Variants in CCDC57 observed in about 807,000 individuals in gnomAD.
CCDC57 encodes coiled-coil domain containing 57.
In CCDC57, 118 loss-of-function variants were observed where a neutral mutation model predicts 118.9. The observed-to-expected ratio is 0.99, with a 90% CI of 0.86 to 1.16. The LOEUF is 1.16. Ranked by LOEUF, CCDC57 falls within the 50% of genes most tolerant of loss-of-function variation. The pLI is 0.00. For missense variants in CCDC57, 1,300 were observed against 1,320.7 expected, an observed-to-expected ratio of 0.98 and a Z score of 0.24; for synonymous variants, 527 against 532.9, an observed-to-expected ratio of 0.99 and a Z score of 0.15.
chr17:82,202,878 A>G (rs375584684), intron 2 of CCDC57, among the ~76,000 whole-genome samples: 1 of 152,340 alleles, frequency 6.6e-6, no homozygotes, highest in African/African-American at 2.4e-5. Context: ...CACTCTGTCC[A>G]TTTCACAGCT....
Position 82,172,599 on chromosome 17 carries a change from C to T in CCDC57, c.1729+39G>A. On this transcript the variant is annotated intron_variant, in intron 12 of 19. Transcript: ENST00000665763. The surrounding 1 kb of genome is among the most constrained non-coding windows in gnomAD (Gnocchi z 5.2). Reference sequence around the variant, plus strand: ...TCTGTCCTCCTCCCTCCCTCTCCCCCTTCCTCTCCCGCTCTGTCCGTTTCT... The same window carrying T: ...TCTGTCCTCCTCCCTCCCTCTCCCCTTTCCTCTCCCGCTCTGTCCGTTTCT... The T allele has an allele frequency of 6.6e-7, 1 of 1,525,836 alleles. No homozygotes were observed. Among genetic ancestry groups the T allele is most frequent in the Non-Finnish European group, 8.9e-7 (1 of 1,125,450 alleles). 94.5% of individuals were successfully genotyped at this position (1,525,836 alleles called of 1,614,324 possible).
intron 19 of CCDC57, among the ~76,000 whole-genome samples, chr17:82,111,274 A>AT (rs2035222009): frequency 8.0e-5 from 11 of 137,558 alleles, no homozygotes; most frequent in Non-Finnish European, 1.1e-4. Flanking sequence ...TTTTTTTTGT[A>AT]TTTTTTTTAG....
Position 82,172,875 on chromosome 17 carries a change from GA to G in CCDC57, c.1507-16del. On this transcript the variant is annotated splice_polypyrimidine_tract_variant and intron_variant, in intron 11 of 19. Coordinates refer to ENST00000665763, the Ensembl canonical transcript of CCDC57. This position sits in a 1 kb window ranked among gnomAD's most constrained non-coding sequence, Gnocchi z 5.2. The stretch of plus-strand genomic sequence containing the variant: ...CTGAGAAGCATCTGTCAAATACAAG[GA>G]AAAATGGCTACAAAAAGATGAATGG... 5.0e-6 allele frequency: 8 copies of G among 1,599,268 alleles called. No homozygotes were observed. The highest frequency in any genetic ancestry group is 6.8e-6 in the Non-Finnish European group (8 of 1,171,494).
chr17:82,144,631 T>C (rs999746268), intron 16 of CCDC57, among the ~76,000 whole-genome samples: 1 of 152,212 alleles, frequency 6.6e-6, no homozygotes, highest in Non-Finnish European at 1.5e-5. Flanking sequence ...AGAGCTTCAA[T>C]CAACTGTTTC....
intron 19 of CCDC57, chr17:82,109,013 C>T (rs1317869365): frequency 1.3e-5 from 2 of 152,234 alleles, no homozygotes; most frequent in Non-Finnish European, 2.9e-5. Flanking sequence ...CAAAATCCTT[C>T]TACATCTTCA....
At chr17:82,160,764 C>T (rs775235775) in intron 14 of CCDC57, among the ~76,000 whole-genome samples, 5 of 150,836 alleles carry the variant, frequency 3.3e-5, no homozygotes, top group Non-Finnish European at 7.4e-5. Context: ...ATCCCAGCTA[C>T]TTGGGAGGCT....
Position 82,166,944 on chromosome 17 carries a change from A to AC in CCDC57, c.1883-3588_1883-3587insG, listed in dbSNP as rs1352342750. ...AACAACAACCACAACAACAACAACA[A>AC]AAAAAAAGGAAAAAGAAACCCAAAA... is the stretch of plus-strand genomic sequence containing the variant. On this transcript the variant is annotated intron_variant, in intron 13 of 19. Transcript: ENST00000665763. Among the ~76,000 whole-genome samples, 1,399 of 151,902 alleles carry AC rather than the reference A, an allele frequency of 9.2e-3. 18 individuals are homozygous for AC. Among genetic ancestry groups the AC allele is most frequent in the African/African-American group, 0.032 (1,335 of 41,460 alleles).
At chr17:82,173,792 C>T (rs1327394444) in intron 11 of CCDC57, among the ~76,000 whole-genome samples, 1 of 150,830 alleles carries the variant, frequency 6.6e-6, no homozygotes, top group African/African-American at 2.4e-5. Flanking sequence ...CAAGGAGCCA[C>T]CAAGGCGGGA....
chr17:82,169,625 C>T (rs140233992), intron 13 of CCDC57, among the ~76,000 whole-genome samples: 8 of 152,222 alleles, frequency 5.3e-5, no homozygotes, highest in Non-Finnish European at 8.8e-5. Flanking sequence ...GGGGAGGCAT[C>T]CAGGCAGGAG....
At chr17:82,210,675 C>G (rs2050112935) in intron 1 of CCDC57, among the ~76,000 whole-genome samples, 1 of 136,106 alleles carries the variant, frequency 7.3e-6, no homozygotes, top group Non-Finnish European at 1.6e-5. Context: ...GAGAGAGACT[C>G]AGTCTCAAAA....
At chr17:82,188,525 G>T in intron 7 of CCDC57, 106 bp from the exon 7 acceptor site, 1 of 1,173,036 alleles carries the variant, frequency 8.5e-7, no homozygotes, top group Non-Finnish European at 1.2e-6. Context: ...AGGTGCTGCT[G>T]TATGTCTGCC....
intron 16 of CCDC57, among the ~76,000 whole-genome samples, chr17:82,144,848 T>C (rs571467235): frequency 5.9e-5 from 9 of 152,232 alleles, no homozygotes; most frequent in Admixed American, 1.3e-4. Context: ...CACTAGATCA[T>C]TTCCCGATGC....
At chr17:82,162,286 G>T (rs2043440967) in intron 14 of CCDC57, among the ~76,000 whole-genome samples, 1 of 152,188 alleles carries the variant, frequency 6.6e-6, no homozygotes, top group Admixed American at 6.5e-5. Context: ...GATTACAGGT[G>T]TGAGCCCCCA....
rs558679569 is a variant in CCDC57 at position 82,137,798 on chromosome 17, C to T, written c.2456-3604G>A. 9.0e-3 allele frequency among the ~76,000 whole-genome samples: 1,363 copies of T among 151,354 alleles called. 17 individuals are homozygous for T. Among genetic ancestry groups the T allele is most frequent in the African/African-American group, 0.032 (1,309 of 41,192 alleles). On this transcript the variant is annotated intron_variant, in intron 16 of 19. Transcript: ENST00000665763. ...AAGCGGTTCTCCTTCCTCAGCCTCC[C>T]GGGTAGCTGGGATTACAGGCACCCG...
intron 2 of CCDC57, among the ~76,000 whole-genome samples, chr17:82,202,205 G>A (rs1353636416): frequency 6.6e-6 from 1 of 152,028 alleles, no homozygotes; most frequent in African/African-American, 2.4e-5. Context: ...AGTGGCTCAC[G>A]CCTGTAATCC....
In CCDC57 at chr17:82,207,095, G is replaced by A. The variant is rs2049753265; in HGVS notation, c.-9+752C>T. On this transcript the variant is annotated intron_variant, in intron 2 of 19. Coordinates refer to ENST00000665763, the Ensembl canonical transcript of CCDC57. ...GCAGTGACTGGCCCCGGTTGTCCCA[G>A]CACTTTGGGAGGCTGAGGCTGGATC... 4.6e-5 allele frequency among the ~76,000 whole-genome samples: 7 copies of A among 152,180 alleles called. 1 individual carries two copies. Among genetic ancestry groups the A allele is most frequent in the Admixed American group, 4.6e-4 (7 of 15,272 alleles).
chr17:82,138,677 G>A (rs557295572), intron 16 of CCDC57, among the ~76,000 whole-genome samples: 6 of 151,132 alleles, frequency 4.0e-5, no homozygotes, highest in African/African-American at 9.7e-5. Context: ...GAAGAGACGC[G>A]TGGCCTGCCC....
At chr17:82,101,946 G>T (rs2034479096) in intron 19 of CCDC57, 80 bp from the exon 19 acceptor site, 1 of 1,341,996 alleles carries the variant, frequency 7.5e-7, no homozygotes, top group African/African-American at 1.5e-5. Flanking sequence ...CACTGCACAG[G>T]TGCAGCACTT....
intron 9 of CCDC57, 80 bp from the exon 9 acceptor site, chr17:82,179,269 G>A (rs2045906868): frequency 2.0e-6 from 3 of 1,494,456 alleles, no homozygotes; most frequent in Non-Finnish European, 1.8e-6. Flanking sequence ...GATGGGAAAG[G>A]CAGGGCTGCC....
Sources: gnomAD v4.1 joint callset for allele counts (sites outside exome capture counted in the v4.1 genomes callset) on GRCh38, gnomAD v4.1.1 for gene constraint, Gnocchi (gnomAD v3.1) non-coding constraint, MANE v1.5 for transcripts, NCBI Gene and HGNC (gene_info 2026-07-23, HGNC 2026-07-21) for gene names.